Variants in NAA11 observed in about 807,000 individuals in gnomAD.
NAA11 encodes N-alpha-acetyltransferase 11, NatA catalytic subunit.
Under a neutral mutation model 16.1 loss-of-function variants are expected in NAA11, and 15 were observed. The ratio of observed to expected loss-of-function variants is 0.93; its 90% CI spans 0.62 to 1.44. NAA11 has a LOEUF of 1.44. Among genes scored for constraint, NAA11 ranks in the 40% most tolerant of loss-of-function variants. The pLI is 0.00. For synonymous variants in NAA11, 122 were observed against 112.4 expected (o/e 1.09, Z -0.54); for missense variants, 298 against 291.3 (o/e 1.02, Z -0.17).
intron 2 of NAA11, among the ~76,000 whole-genome samples, chr4:79,282,832 A>T (rs1722825224): frequency 6.6e-6 from 1 of 152,100 alleles, no homozygotes; most frequent in Non-Finnish European, 1.5e-5. Flanking sequence ...AACTGGATGA[A>T]ATTGCCTAGT....
chr4:79,250,518 T>C (rs1231930893), intron 2 of NAA11, among the ~76,000 whole-genome samples: 2 of 152,048 alleles, frequency 1.3e-5, no homozygotes, highest in Admixed American at 6.5e-5. Flanking sequence ...ACCCTAAAAG[T>C]ATAAAAACTC....
chr4:79,223,937 C>G (rs553722438), downstream of NAA11, among the ~76,000 whole-genome samples: 2 of 152,160 alleles, frequency 1.3e-5, no homozygotes, highest in African/African-American at 2.4e-5. Flanking sequence ...TTTTATATCT[C>G]TCACTATATT....
At position 79,325,900 on chromosome 4, in the gene NAA11, G is replaced by A; in HGVS notation, c.-23C>T. ...CATAATGGCAGAGGGTAGGGAACCG[G>A]TTGGACTGCAGTGAACCCAGAAGAG... is the stretch of plus-strand genomic sequence containing the variant. On this transcript the variant is annotated 5_prime_UTR_variant, in exon 1 of 2. Coordinates refer to ENST00000286794, the MANE Select transcript of NAA11 (RefSeq NM_032693.3). The A allele has an allele frequency of 1.3e-6, 2 of 1,585,792 alleles. No individual in the cohort carries two copies. The highest frequency in any genetic ancestry group is 8.6e-7 in the Non-Finnish European group (1 of 1,164,790).
intron 2 of NAA11, among the ~76,000 whole-genome samples, chr4:79,287,813 T>C (rs947918754): frequency 6.6e-6 from 1 of 152,216 alleles, no homozygotes; most frequent in Non-Finnish European, 1.5e-5. Flanking sequence ...AAATAGGATC[T>C]TAACAGACTA....
chr4:79,168,221 T>G, the NAA11 span, among the ~76,000 whole-genome samples: 1 of 152,186 alleles, frequency 6.6e-6, no homozygotes, highest in Non-Finnish European at 1.5e-5. Flanking sequence ...TATGGCTGCA[T>G]AGTATTCTGT....
intron 2 of NAA11, among the ~76,000 whole-genome samples, chr4:79,247,104 G>C (rs1721857162): frequency 6.6e-6 from 1 of 152,216 alleles, no homozygotes; most frequent in Non-Finnish European, 1.5e-5. Flanking sequence ...CAGGAGTTCA[G>C]AGGTGCATAT....
At chr4:79,198,771 A>C in the NAA11 span, among the ~76,000 whole-genome samples, 1 of 151,922 alleles carries the variant, frequency 6.6e-6, no homozygotes, top group African/African-American at 2.4e-5. Flanking sequence ...AATACTTAAG[A>C]GCATGTGCAC....
intron 1 of NAA11, among the ~76,000 whole-genome samples, chr4:79,310,835 T>A (rs1477521692): frequency 6.6e-6 from 1 of 152,186 alleles, no homozygotes; most frequent in Non-Finnish European, 1.5e-5. Flanking sequence ...GATTTAACTA[T>A]GGGAAGAAGT....
chr4:79,233,205 CA>C (rs1379319367), intron 2 of NAA11, among the ~76,000 whole-genome samples: 1 of 151,874 alleles, frequency 6.6e-6, no homozygotes, highest in African/African-American at 2.4e-5. Context: ...CTCTTGAGAA[CA>C]GAAAGCTAGC....
the NAA11 span, among the ~76,000 whole-genome samples, chr4:79,174,196 A>G: frequency 2.0e-3 from 307 of 152,308 alleles, 1 homozygote; most frequent in Non-Finnish European, 2.8e-3. Flanking sequence ...AGAAAAAATC[A>G]TTAGGTTTTG....
chr4:79,313,288 C>A (rs1041341792), downstream of NAA11, among the ~76,000 whole-genome samples: 1 of 152,054 alleles, frequency 6.6e-6, no homozygotes, highest in Admixed American at 6.6e-5. Context: ...TACACAATAA[C>A]CCTGAAAGCA....
chr4:79,297,088 C>A (rs948750648), intron 1 of NAA11, among the ~76,000 whole-genome samples: 5 of 152,170 alleles, frequency 3.3e-5, no homozygotes, highest in Non-Finnish European at 5.9e-5. Context: ...AGGACCTGCT[C>A]CCAGGTCCAG....
At chr4:79,311,361 T>G (rs1723764501) in intron 1 of NAA11, among the ~76,000 whole-genome samples, 1 of 152,188 alleles carries the variant, frequency 6.6e-6, no homozygotes, top group African/African-American at 2.4e-5. Flanking sequence ...GAGGATCCAA[T>G]ACAACTGTCA....
chr4:79,248,137 C>T (rs1380333712), intron 2 of NAA11, among the ~76,000 whole-genome samples: 1 of 152,176 alleles, frequency 6.6e-6, no homozygotes, highest in Non-Finnish European at 1.5e-5. Flanking sequence ...ACCACACCTG[C>T]TTGCAGTGCA....
At chr4:79,202,701 G>C in the NAA11 span, among the ~76,000 whole-genome samples, 1 of 129,660 alleles carries the variant, frequency 7.7e-6, no homozygotes, top group Non-Finnish European at 1.6e-5. Flanking sequence ...AACCTGACCT[G>C]ATTATTAATA....
chr4:79,300,491 A>G (rs762030396), intron 1 of NAA11, among the ~76,000 whole-genome samples: 7 of 152,190 alleles, frequency 4.6e-5, no homozygotes, highest in Non-Finnish European at 1.0e-4. Flanking sequence ...AGCAAAATTC[A>G]AAGAAACAAA....
intron 2 of NAA11, among the ~76,000 whole-genome samples, chr4:79,273,446 C>T (rs1722546987): frequency 6.6e-6 from 1 of 151,976 alleles, no homozygotes; most frequent in South Asian, 2.1e-4. Context: ...CTGAAGTTGT[C>T]TCCATGGAAA....
At chr4:79,298,214 G>A (rs931514674) in intron 1 of NAA11, among the ~76,000 whole-genome samples, 5 of 152,194 alleles carry the variant, frequency 3.3e-5, no homozygotes, top group Non-Finnish European at 5.9e-5. Flanking sequence ...GCCCAATAAC[G>A]CTCCTCTTCG....
At chr4:79,197,693 G>T in the NAA11 span, 1 of 151,978 alleles carries the variant, frequency 6.6e-6, no homozygotes, top group Non-Finnish European at 1.5e-5. Context: ...TACTGAGTTT[G>T]TTATACAACC....
Sources: gnomAD v4.1 joint callset for allele counts (sites outside exome capture counted in the v4.1 genomes callset) on GRCh38, gnomAD v4.1.1 for gene constraint, MANE v1.5 for transcripts, NCBI Gene and HGNC (gene_info 2026-07-23, HGNC 2026-07-21) for gene names.